The following NKAIN2 variants were observed in gnomAD, a reference collection of about 807,000 sequenced individuals.
NKAIN2 encodes sodium/potassium transporting ATPase interacting 2.
In NKAIN2, 14 loss-of-function variants were observed where a neutral mutation model predicts 32.6. The ratio of observed to expected loss-of-function variants is 0.43; its 90% CI spans 0.28 to 0.67. The LOEUF (loss-of-function observed/expected upper bound fraction) is 0.67, where lower values mean the gene tolerates loss of function less well. NKAIN2 is among the 30% of genes least tolerant of loss of function. The pLI, the probability that NKAIN2 is intolerant of heterozygous loss-of-function variation, is 0.17. For synonymous variants in NKAIN2, 80 were observed against 87.2 expected (o/e 0.92, Z 0.46); for missense variants, 198 against 258.3 (o/e 0.77, Z 1.60).
intron 4 of NKAIN2, among the ~76,000 whole-genome samples, chr6:124,745,005 G>A (rs796375992): frequency 6.6e-5 from 10 of 151,874 alleles, no homozygotes; most frequent in African/African-American, 1.7e-4. Flanking sequence ...CCCATAAAAC[G>A]CCAGCCACTT....
chr6:124,282,928 T>G, intron 1 of NKAIN2, 77 bp from the exon 2 acceptor site: 1 of 1,263,344 alleles, frequency 7.9e-7, no homozygotes. Context: ...ATGTTATTAA[T>G]AATTTTATCC....
At chr6:124,788,676 C>T (rs1779610946) in intron 4 of NKAIN2, among the ~76,000 whole-genome samples, 1 of 151,964 alleles carries the variant, frequency 6.6e-6, no homozygotes, top group Admixed American at 6.6e-5. Context: ...GGTAACTGCT[C>T]CCATGATTCG....
chr6:124,357,794 A>G (rs906936614), intron 3 of NKAIN2, among the ~76,000 whole-genome samples: 1 of 148,790 alleles, frequency 6.7e-6, no homozygotes, highest in Non-Finnish European at 1.5e-5. Context: ...TTATTATTAT[A>G]CTTTAAGTTT....
chr6:124,455,290 T>G (rs1432452091), intron 3 of NKAIN2, among the ~76,000 whole-genome samples: 1 of 152,072 alleles, frequency 6.6e-6, no homozygotes, highest in Non-Finnish European at 1.5e-5. Flanking sequence ...CGACATGAGC[T>G]GCCCAGCACT....
intron 2 of NKAIN2, among the ~76,000 whole-genome samples, chr6:124,315,621 AT>A (rs1249608902): frequency 2.0e-4 from 30 of 152,250 alleles, no homozygotes; most frequent in African/African-American, 7.0e-4. Flanking sequence ...TTGGCAAAGG[AT>A]TAATTTTCCA....
At chr6:124,531,902 C>A (rs762191452) in intron 3 of NKAIN2, among the ~76,000 whole-genome samples, 12 of 152,158 alleles carry the variant, frequency 7.9e-5, no homozygotes, top group Non-Finnish European at 1.5e-4. Flanking sequence ...AACTCCTGGC[C>A]TCAGGCAATA....
chr6:124,472,750 T>A (rs1293349852), intron 3 of NKAIN2, among the ~76,000 whole-genome samples: 1 of 152,016 alleles, frequency 6.6e-6, no homozygotes, highest in Non-Finnish European at 1.5e-5. Context: ...ATGAAGGACC[T>A]TGTATTACTT....
intron 1 of NKAIN2, among the ~76,000 whole-genome samples, chr6:123,955,063 A>G (rs1422940623): frequency 1.3e-5 from 2 of 152,068 alleles, no homozygotes; most frequent in Non-Finnish European, 2.9e-5. Flanking sequence ...AGAGATAACT[A>G]GATAGAGGTG....
intron 1 of NKAIN2, among the ~76,000 whole-genome samples, chr6:124,113,177 A>C (rs1209939195): frequency 6.6e-6 from 1 of 151,904 alleles, no homozygotes; most frequent in African/African-American, 2.4e-5. Flanking sequence ...CCACCAATCA[A>C]CCTACCCAGG....
chr6:124,214,262 G>C (rs1791343995), intron 1 of NKAIN2, among the ~76,000 whole-genome samples: 1 of 152,128 alleles, frequency 6.6e-6, no homozygotes, highest in Non-Finnish European at 1.5e-5. Context: ...TAGATGTAAA[G>C]ATGTAAAGAA....
In NKAIN2 at chr6:124,536,883, A is replaced by G. The variant is rs563803625; in HGVS notation, c.274-121303A>G. Reference sequence around the variant, plus strand: ...CAAAAAGCAAATAAGCATGACTCACAGCAAAAGTCCACACGACACAGCCAG... The same window carrying G: ...CAAAAAGCAAATAAGCATGACTCACGGCAAAAGTCCACACGACACAGCCAG... On this transcript the variant is annotated intron_variant, in intron 3 of 6. Transcript: ENST00000368417. Among the ~76,000 whole-genome samples, 4 of 152,358 alleles carry G rather than the reference A, an allele frequency of 2.6e-5. No individual in the cohort carries two copies. The East Asian group carries it at 7.7e-4, about 29-fold the overall frequency.
chr6:124,525,698 G>GTAA (rs79577612), intron 3 of NKAIN2, among the ~76,000 whole-genome samples: 2,171 of 152,162 alleles, frequency 0.014, 46 homozygotes, highest in African/African-American at 0.05. Flanking sequence ...ATTCAGAATT[G>GTAA]TATTGTTGTT....
At chr6:124,130,378 T>C (rs890386185) in intron 1 of NKAIN2, among the ~76,000 whole-genome samples, 4 of 152,230 alleles carry the variant, frequency 2.6e-5, no homozygotes, top group African/African-American at 9.6e-5. Context: ...CTGTTGCGTC[T>C]CAAAAACCTC....
At chr6:124,259,039 T>G (rs1252672435) in intron 1 of NKAIN2, among the ~76,000 whole-genome samples, 1 of 152,164 alleles carries the variant, frequency 6.6e-6, no homozygotes, top group Non-Finnish European at 1.5e-5. Context: ...TGAGCCCATC[T>G]ATATAAATGT....
intron 4 of NKAIN2, among the ~76,000 whole-genome samples, chr6:124,702,732 G>T (rs1774860220): frequency 6.6e-6 from 1 of 151,944 alleles, no homozygotes; most frequent in Non-Finnish European, 1.5e-5. Flanking sequence ...AATTTTGAAA[G>T]CCCAACTGCC....
chr6:124,755,684 G>C lies in NKAIN2; in HGVS notation c.475-35655G>C, dbSNP rs142902915. On this transcript the variant is annotated intron_variant, in intron 4 of 6. Coordinates refer to ENST00000368417, the MANE Select transcript of NKAIN2 (RefSeq NM_001040214.3). Reference sequence around the variant, plus strand: ...ATGAGAACACATGGACACACAGAGGGGAACAACACACACTTGTGCCTACCA... The same window carrying C: ...ATGAGAACACATGGACACACAGAGGCGAACAACACACACTTGTGCCTACCA... Among the ~76,000 whole-genome samples the C allele has an allele frequency of 5.1e-3, 770 of 152,162 alleles. 11 individuals carry two copies. Among genetic ancestry groups the C allele is most frequent in the African/African-American group, 0.018 (737 of 41,528 alleles).
intron 3 of NKAIN2, among the ~76,000 whole-genome samples, chr6:124,405,172 G>A (rs1052641649): frequency 2.0e-5 from 3 of 152,132 alleles, no homozygotes; most frequent in Admixed American, 6.6e-5. Flanking sequence ...TCGAGTGTTA[G>A]ACCATTTTTC....
chr6:124,367,453 C>T (rs762815999), intron 3 of NKAIN2, among the ~76,000 whole-genome samples: 5 of 152,078 alleles, frequency 3.3e-5, no homozygotes, highest in Non-Finnish European at 5.9e-5. Context: ...TCTCTCACGT[C>T]GATTCCAGCA....
chr6:124,228,598 A>G (rs1792246166), intron 1 of NKAIN2, among the ~76,000 whole-genome samples: 1 of 152,094 alleles, frequency 6.6e-6, no homozygotes, highest in African/African-American at 2.4e-5. Context: ...GACCTAAAAT[A>G]TATATTAAAC....
Sources: gnomAD v4.1 joint callset for allele counts (sites outside exome capture counted in the v4.1 genomes callset) on GRCh38, gnomAD v4.1.1 for gene constraint, MANE v1.5 for transcripts, NCBI Gene and HGNC (gene_info 2026-07-23, HGNC 2026-07-21) for gene names.